PRIM2: variants seen among roughly 807,000 people sequenced by gnomAD.
PRIM2 encodes the protein DNA primase subunit 2.
Under a neutral mutation model 67.3 loss-of-function variants are expected in PRIM2, and 39 were observed. That is an observed-to-expected ratio of 0.58 (90% CI 0.45 to 0.76). The LOEUF (loss-of-function observed/expected upper bound fraction) is 0.76. Among genes scored for constraint, PRIM2 ranks in the 30% least tolerant of loss-of-function variants. The pLI is 0.00. For synonymous variants in PRIM2, 143 were observed against 198.7 expected (o/e 0.72, Z 2.36); for missense variants, 398 against 598.7 (o/e 0.66, Z 3.50).
chr6:57,256,915 G>A, the PRIM2 span, among the ~76,000 whole-genome samples: 2 of 152,252 alleles, frequency 1.3e-5, no homozygotes, highest in Non-Finnish European at 1.5e-5. Context: ...AACCTATTTT[G>A]TTCAATTCCA....
chr6:57,311,959 C>T (rs1767400441), upstream of PRIM2, among the ~76,000 whole-genome samples: 2 of 138,420 alleles, frequency 1.4e-5, no homozygotes, highest in Admixed American at 8.2e-5. Context: ...TGCAGCGAGC[C>T]GAGATCATGG....
chr6:57,306,097 G>A, the PRIM2 span, among the ~76,000 whole-genome samples: 110 of 152,326 alleles, frequency 7.2e-4, no homozygotes, highest in Middle Eastern at 3.4e-3. Flanking sequence ...GCACCCAAGA[G>A]TGAACAGTTT....
At chr6:57,247,361 C>T in the PRIM2 span, among the ~76,000 whole-genome samples, 2 of 152,248 alleles carry the variant, frequency 1.3e-5, no homozygotes, top group African/African-American at 2.4e-5. Context: ...AATTTCAAGG[C>T]TCTGTTTTTA....
the PRIM2 span, among the ~76,000 whole-genome samples, chr6:57,277,105 T>C: frequency 6.6e-6 from 1 of 152,040 alleles, no homozygotes; most frequent in East Asian, 1.9e-4. Context: ...GAAGTTACCA[T>C]CAGAGAGACT....
the PRIM2 span, among the ~76,000 whole-genome samples, chr6:57,244,621 C>T: frequency 7.9e-5 from 12 of 151,916 alleles, no homozygotes; most frequent in South Asian, 2.1e-3. Flanking sequence ...ATTAGCTGGG[C>T]GTGGTGGCGC....
intron 12 of PRIM2, among the ~76,000 whole-genome samples, chr6:57,615,308 A>G (rs1318364139): frequency 1.3e-5 from 2 of 151,572 alleles, no homozygotes; most frequent in African/African-American, 2.4e-5. Context: ...AGTGTCAGCT[A>G]TGCAGGAGGC....
the PRIM2 span, among the ~76,000 whole-genome samples, chr6:57,250,364 A>G: frequency 6.6e-6 from 1 of 152,188 alleles, no homozygotes; most frequent in Non-Finnish European, 1.5e-5. Flanking sequence ...TAAAAAGTAA[A>G]ATAAAAGAAA....
At chr6:57,458,549 G>A (rs567094541) in intron 7 of PRIM2, among the ~76,000 whole-genome samples, 2 of 152,136 alleles carry the variant, frequency 1.3e-5, no homozygotes, top group African/African-American at 2.4e-5. Flanking sequence ...GTCAGCCATG[G>A]TGGTGGGCAC....
the PRIM2 span, among the ~76,000 whole-genome samples, chr6:57,233,070 C>T: frequency 1.4e-4 from 21 of 152,290 alleles, no homozygotes; most frequent in African/African-American, 4.8e-4. Flanking sequence ...TCATATTCCT[C>T]TGTATGAAAT....
At chr6:57,229,206 A>G in the PRIM2 span, among the ~76,000 whole-genome samples, 2 of 151,704 alleles carry the variant, frequency 1.3e-5, no homozygotes, top group Non-Finnish European at 2.9e-5. Flanking sequence ...TTTTTCTGGA[A>G]CTCCTATTAA....
chr6:57,315,280 T>G (rs572434666), upstream of PRIM2, among the ~76,000 whole-genome samples: 7 of 152,320 alleles, frequency 4.6e-5, no homozygotes, highest in South Asian at 1.5e-3. Context: ...ATAGTATAGA[T>G]GTGTGTGTAG....
intron 5 of PRIM2, among the ~76,000 whole-genome samples, chr6:57,339,596 G>C (rs1436337016): frequency 2.6e-5 from 4 of 152,124 alleles, no homozygotes; most frequent in African/African-American, 4.8e-5. Flanking sequence ...AGAAAAACAA[G>C]CAATGGGGAA....
intron 7 of PRIM2, among the ~76,000 whole-genome samples, chr6:57,391,011 TAA>T (rs917971115): frequency 6.6e-6 from 1 of 152,080 alleles, no homozygotes; most frequent in African/African-American, 2.4e-5. Flanking sequence ...CAACAGTGTA[TAA>T]GTGTTCCCTC....
At chr6:57,642,435 CTTTTTTTTTTTTTT>C (rs1156576933) in intron 13 of PRIM2, among the ~76,000 whole-genome samples, 15 of 83,184 alleles carry the variant, frequency 1.8e-4, no homozygotes, top group African/African-American at 8.0e-4. Flanking sequence ...AATATTATAT[CTTTTTTTTTTTTTT>C]TTTTTTTTTT....
At chr6:57,573,982 G>A (rs1775914943) in intron 10 of PRIM2, among the ~76,000 whole-genome samples, 1 of 151,654 alleles carries the variant, frequency 6.6e-6, no homozygotes, top group Non-Finnish European at 1.5e-5. Context: ...CTGTAGTAGT[G>A]AGGCAAAAGA....
chr6:57,270,146 A>C, the PRIM2 span, among the ~76,000 whole-genome samples: 1 of 151,966 alleles, frequency 6.6e-6, no homozygotes, highest in Non-Finnish European at 1.5e-5. Context: ...ACTTTAAAGT[A>C]GTTTTTTCCA....
chr6:57,344,302 ATCTTT>A (rs1170561301), intron 5 of PRIM2, among the ~76,000 whole-genome samples: 4 of 152,160 alleles, frequency 2.6e-5, no homozygotes, highest in Non-Finnish European at 5.9e-5. Flanking sequence ...AACACTAGAC[ATCTTT>A]AAGATGAGTA....
At chr6:57,254,750 A>G in the PRIM2 span, among the ~76,000 whole-genome samples, 59 of 152,244 alleles carry the variant, frequency 3.9e-4, no homozygotes, top group African/African-American at 5.3e-4. Flanking sequence ...CCAAACCTCC[A>G]TGATTTAGCA....
At chr6:57,611,477 G>T (rs1449067474) in intron 12 of PRIM2, among the ~76,000 whole-genome samples, 1 of 152,090 alleles carries the variant, frequency 6.6e-6, no homozygotes, top group Non-Finnish European at 1.5e-5. Flanking sequence ...ATATATATGG[G>T]CAACGGATTT....
Sources: gnomAD v4.1 joint callset for allele counts (sites outside exome capture counted in the v4.1 genomes callset) on GRCh38, gnomAD v4.1.1 for gene constraint, MANE v1.5 for transcripts, NCBI Gene and HGNC (gene_info 2026-07-23, HGNC 2026-07-21) for gene names.